Variants in KCNH5 observed in about 807,000 individuals in gnomAD.
The protein encoded by KCNH5 is voltage-gated delayed rectifier potassium channel KCNH5.
In KCNH5, 46 loss-of-function variants were observed where a neutral mutation model predicts 96.1. The observed-to-expected ratio is 0.48, with a 90% CI of 0.38 to 0.61. The LOEUF (loss-of-function observed/expected upper bound fraction) is 0.61. Ranked by LOEUF, KCNH5 falls within the 20% of genes least tolerant of loss-of-function variation. The pLI, the probability that KCNH5 is intolerant of heterozygous loss-of-function variation, is 0.00. For missense variants in KCNH5, 907 were observed against 1,225.8 expected (o/e 0.74, Z 3.88); for synonymous variants, 439 against 449.8 (o/e 0.98, Z 0.30).
intron 1 of KCNH5, among the ~76,000 whole-genome samples, chr14:63,028,277 A>G (rs1891562177): frequency 6.6e-6 from 1 of 152,112 alleles, no homozygotes; most frequent in Admixed American, 6.6e-5. Flanking sequence ...CCAGCTCAGC[A>G]GGGTCCAGCT....
chr14:62,912,167 G>A (rs76474696), intron 7 of KCNH5, among the ~76,000 whole-genome samples: 19,888 of 151,978 alleles, frequency 0.13, 1,493 homozygotes, highest in East Asian at 0.28. Context: ...ATTACATGAG[G>A]TAGTGCATGT....
chr14:62,726,543 G>A (rs1282607620), intron 10 of KCNH5, among the ~76,000 whole-genome samples: 1 of 151,800 alleles, frequency 6.6e-6, no homozygotes, highest in Non-Finnish European at 1.5e-5. Context: ...ATCTTAATTA[G>A]GCATCAAAAG....
chr14:62,863,550 C>A (rs755376890), intron 7 of KCNH5, among the ~76,000 whole-genome samples: 1 of 152,136 alleles, frequency 6.6e-6, no homozygotes, highest in Non-Finnish European at 1.5e-5. Context: ...AAGACTTCCT[C>A]AGAAATTAAT....
chr14:62,857,779 T>G (rs1044108887), intron 7 of KCNH5, among the ~76,000 whole-genome samples: 2 of 152,286 alleles, frequency 1.3e-5, no homozygotes, highest in Admixed American at 6.5e-5. Context: ...AATGTTAAAC[T>G]CCTTTGGCAA....
intron 6 of KCNH5, among the ~76,000 whole-genome samples, chr14:62,970,762 A>C (rs573993572): frequency 1.3e-5 from 2 of 152,170 alleles, no homozygotes; most frequent in African/African-American, 4.8e-5. Context: ...GATCATATCA[A>C]TGGATGTAGA....
intron 8 of KCNH5, among the ~76,000 whole-genome samples, chr14:62,844,304 G>C (rs566100219): frequency 6.6e-6 from 1 of 152,012 alleles, no homozygotes; most frequent in South Asian, 2.1e-4. Flanking sequence ...GCAACAAGCT[G>C]AAAAAAATCC....
intron 7 of KCNH5, among the ~76,000 whole-genome samples, chr14:62,934,136 C>CTTTCTT (rs1555364413): frequency 2.1e-5 from 3 of 141,446 alleles, no homozygotes; most frequent in South Asian, 2.2e-4. Flanking sequence ...TTCTTTCTTT[C>CTTTCTT]TTTTTTTTTT....
chr14:62,978,297 G>A (rs939156114), intron 6 of KCNH5, among the ~76,000 whole-genome samples: 1 of 152,212 alleles, frequency 6.6e-6, no homozygotes, highest in African/African-American at 2.4e-5. Flanking sequence ...AAAGCCAGGA[G>A]CTGGACCCAG....
chr14:62,980,775 C>G (rs2139568070), intron 6 of KCNH5, 97 bp downstream of exon 6: 1 of 1,298,642 alleles, frequency 7.7e-7, no homozygotes, highest in South Asian at 1.5e-5. Flanking sequence ...AAAGTGGTGG[C>G]TAAAAAGAGG....
chr14:62,950,675 A>G lies in KCNH5; in HGVS notation c.943-116T>C, dbSNP rs530628221. The G allele has an allele frequency of 1.5e-4, 122 of 795,776 alleles. 2 individuals carry two copies. In the South Asian group the frequency reaches 2.7e-3, roughly 17 times the overall value. 49.3% of individuals were successfully genotyped at this position (795,776 alleles called of 1,614,324 possible). ...AACCATCCAATTATATATTAAGAAC[A>G]TATGTATATTATAGGTCTGATTTTA... On this transcript the variant is annotated intron_variant, in intron 6 of 10. Coordinates refer to ENST00000322893, the MANE Select transcript of KCNH5 (RefSeq NM_139318.5).
At chr14:62,859,896 G>A (rs563844640) in intron 7 of KCNH5, among the ~76,000 whole-genome samples, 4 of 152,298 alleles carry the variant, frequency 2.6e-5, no homozygotes, top group South Asian at 2.1e-4. Context: ...TGAGGCCACC[G>A]GTGCAGGCTG....
rs926378207 is a variant in KCNH5, at chr14:62,790,747, AT to A, written c.1823-10824del. 1.7e-4 allele frequency among the ~76,000 whole-genome samples: 25 copies of A among 151,392 alleles called. No individual in the cohort carries two copies. In the East Asian group the frequency reaches 3.1e-3, roughly 19 times the overall value. On this transcript the variant is annotated intron_variant, in intron 9 of 10. Coordinates refer to ENST00000322893, the MANE Select transcript of KCNH5 (RefSeq NM_139318.5). ...ATTTTTTGTAACAATTGTAAGTGAG[AT>A]TTTTTTCTTGATTTCTTTTTCAGCT...
At chr14:62,996,713 T>C (rs1368597775) in intron 4 of KCNH5, among the ~76,000 whole-genome samples, 2 of 152,182 alleles carry the variant, frequency 1.3e-5, no homozygotes, top group Admixed American at 6.6e-5. Flanking sequence ...CGACTTTGAG[T>C]TTCCATAAAT....
At chr14:63,040,955 C>T (rs1297021478) in intron 1 of KCNH5, among the ~76,000 whole-genome samples, 1 of 151,682 alleles carries the variant, frequency 6.6e-6, no homozygotes, top group Non-Finnish European at 1.5e-5. Flanking sequence ...CCCCTTTTTT[C>T]CCCAAAAAGA....
intron 10 of KCNH5, among the ~76,000 whole-genome samples, chr14:62,733,328 T>C (rs553695777): frequency 6.6e-6 from 1 of 152,252 alleles, no homozygotes; most frequent in African/African-American, 2.4e-5. Context: ...TGTCCCATCA[T>C]GAAGAGACAC....
At position 62,995,763 on chromosome 14, in the gene KCNH5, T is replaced by C. The variant is rs1034633362; in HGVS notation, c.433+5568A>G. Among the ~76,000 whole-genome samples, 101 of 152,254 alleles carry C rather than the reference T, an allele frequency of 6.6e-4. 1 individual carries two copies. The highest frequency in any genetic ancestry group is 1.2e-3 in the Non-Finnish European group (83 of 68,002). ...TGATAACTGTGATTCCTGTTTTTAC[T>C]GAGACAACGGGAGCAATCAAAAGAA... On this transcript the variant is annotated intron_variant, in intron 4 of 10. Transcript: ENST00000322893.
rs1030602325 is a variant in KCNH5, at chr14:62,844,655, A to G, written c.1569+4998T>C. Among the ~76,000 whole-genome samples the G allele has an allele frequency of 2.6e-5, 4 of 152,238 alleles. 1 individual carries two copies. In the South Asian group the frequency reaches 8.3e-4, roughly 32 times the overall value. On this transcript the variant is annotated intron_variant, in intron 8 of 10. Coordinates refer to ENST00000322893, the MANE Select transcript of KCNH5 (RefSeq NM_139318.5). Reference sequence around the variant, plus strand: ...GCAACCGTACTAATGAGCAGTCAATAACATATTTTCAACTAAATAAAATTG... The same window carrying G: ...GCAACCGTACTAATGAGCAGTCAATGACATATTTTCAACTAAATAAAATTG...
intron 7 of KCNH5, among the ~76,000 whole-genome samples, chr14:62,935,655 C>T (rs8018130): frequency 0.05 from 7,574 of 152,284 alleles, 622 homozygotes; most frequent in African/African-American, 0.17. Flanking sequence ...ATGCTCCAGA[C>T]GTCTTCTCCA....
chr14:62,990,126 A>G (rs113523918), intron 4 of KCNH5, among the ~76,000 whole-genome samples: 3 of 152,042 alleles, frequency 2.0e-5, no homozygotes, highest in African/African-American at 4.8e-5. Context: ...TCCAGAAAAC[A>G]TTTTGAAAAA....
Sources: gnomAD v4.1 joint callset for allele counts (sites outside exome capture counted in the v4.1 genomes callset) on GRCh38, gnomAD v4.1.1 for gene constraint, MANE v1.5 for transcripts, NCBI Gene and HGNC (gene_info 2026-07-23, HGNC 2026-07-21) for gene names.